The following OTOG variants were observed in gnomAD, a reference collection of about 807,000 sequenced individuals.
The protein encoded by OTOG is otogelin.
A neutral mutation model predicts 313.8 loss-of-function variants in OTOG; 296 were observed. That is an observed-to-expected ratio of 0.94 (90% CI 0.86 to 1.04). The LOEUF (loss-of-function observed/expected upper bound fraction) is 1.04, where lower values mean the gene tolerates loss of function less well. Ranked by LOEUF, OTOG falls within the 50% of genes least tolerant of loss-of-function variation. The probability of loss-of-function intolerance (pLI) is 0.00; values close to 1 mark genes in which losing one functional copy is unlikely to be tolerated. For missense variants in OTOG, 3,948 were observed against 3,840.1 expected, an observed-to-expected ratio of 1.03 and a Z score of -0.74; for synonymous variants, 1,533 against 1,554.9, an observed-to-expected ratio of 0.99 and a Z score of 0.33.
chr11:17,556,224 TAC>T (rs1055857483), intron 7 of OTOG, among the ~76,000 whole-genome samples: 1 of 152,224 alleles, frequency 6.6e-6, no homozygotes, highest in Non-Finnish European at 1.5e-5. Context: ...AAATGGATCA[TAC>T]ACAGTTTCTA....
intron 40 of OTOG, among the ~76,000 whole-genome samples, chr11:17,631,378 C>CTCTCTGTG (rs375572156): frequency 3.9e-5 from 5 of 128,812 alleles, no homozygotes; most frequent in African/African-American, 1.8e-4. Context: ...CTCTCTCTCT[C>CTCTCTGTG]TGTGTGTGTG....
chr11:17,578,783 C>T (rs1327963615), intron 23 of OTOG, among the ~76,000 whole-genome samples: 3 of 151,576 alleles, frequency 2.0e-5, no homozygotes, highest in African/African-American at 7.3e-5. Context: ...GGCCTACCAC[C>T]TTAACAGGCT....
intron 23 of OTOG, among the ~76,000 whole-genome samples, chr11:17,583,297 G>A (rs1287638749): frequency 6.6e-6 from 1 of 151,964 alleles, no homozygotes; most frequent in Non-Finnish European, 1.5e-5. Flanking sequence ...ACTATACCTG[G>A]CAAATTTTTT....
At chr11:17,561,830 C>T in intron 15 of OTOG, 23 bp downstream of exon 15, 4 of 1,549,536 alleles carry the variant, frequency 2.6e-6, no homozygotes, top group Non-Finnish European at 3.5e-6. Flanking sequence ...GATCCCCAGG[C>T]CCGATCCACC....
chr11:17,573,333 G>C lies in OTOG; in HGVS notation c.2293+43G>C, dbSNP rs771931535. ...GTGAGGCTGAGCTGGAGGAGCCAGA[G>C]CTCCAGACCTGAGTGTCCCCTGCCC... On this transcript the variant is annotated intron_variant, in intron 19 of 55. Coordinates refer to ENST00000399397, the MANE Select transcript of OTOG (RefSeq NM_001292063.2). The C allele has an allele frequency of 4.1e-6, 6 of 1,479,132 alleles. No homozygotes were observed. The African/African-American group carries it at 6.9e-5, about 17-fold the overall frequency. 91.6% of individuals were successfully genotyped at this position (1,479,132 alleles called of 1,614,324 possible).
At chr11:17,566,333 G>C (rs1054082100) in intron 15 of OTOG, among the ~76,000 whole-genome samples, 1 of 152,144 alleles carries the variant, frequency 6.6e-6, no homozygotes, top group African/African-American at 2.4e-5. Context: ...GGTAAGAAAA[G>C]TCTGTACATG....
At chr11:17,592,971 A>C (rs1367686110) in intron 25 of OTOG, among the ~76,000 whole-genome samples, 3 of 152,228 alleles carry the variant, frequency 2.0e-5, no homozygotes, top group Non-Finnish European at 4.4e-5. Flanking sequence ...ACATTCATTC[A>C]TCAGATATTT....
At chr11:17,633,153 A>G (rs1350294739) in intron 42 of OTOG, among the ~76,000 whole-genome samples, 1 of 152,260 alleles carries the variant, frequency 6.6e-6, no homozygotes, top group Non-Finnish European at 1.5e-5. Context: ...GGTTCCCCAC[A>G]ATGATACCTC....
chr11:17,595,858 C>T (rs1853084597), intron 28 of OTOG, among the ~76,000 whole-genome samples, 180 bp from the exon 29 acceptor site: 2 of 152,186 alleles, frequency 1.3e-5, no homozygotes, highest in Non-Finnish European at 2.9e-5. Flanking sequence ...TCACCTGGGC[C>T]ATATTCTGTT....
chr11:17,606,735 G>T (rs768481595), intron 33 of OTOG, among the ~76,000 whole-genome samples: 43 of 152,214 alleles, frequency 2.8e-4, no homozygotes, highest in Non-Finnish European at 5.3e-4. Context: ...CTTGCATGGG[G>T]CTTGGGGGTA....
intron 13 of OTOG, 112 bp downstream of exon 13, chr11:17,560,929 C>T (rs1332309796): frequency 8.5e-7 from 1 of 1,179,394 alleles, no homozygotes; most frequent in Non-Finnish European, 1.2e-6. Flanking sequence ...CACTCAGTAC[C>T]TTTGAGTCCC....
intron 39 of OTOG, among the ~76,000 whole-genome samples, chr11:17,623,417 A>G (rs1853911357): frequency 1.3e-5 from 2 of 152,052 alleles, no homozygotes; most frequent in Admixed American, 6.6e-5. Flanking sequence ...CTGTTTTTGC[A>G]TTAGTTTGCT....
intron 31 of OTOG, among the ~76,000 whole-genome samples, chr11:17,600,149 C>T (rs903928520): frequency 6.6e-6 from 1 of 152,372 alleles, no homozygotes. Flanking sequence ...CATCTTCAAA[C>T]TCAGCCAAGG....
rs763372967 is a variant in OTOG, at chr11:17,610,488, C to T, written c.5188C>T (p.His1730Tyr). The change falls in exon 36 of 56, where the codon CAC (histidine) becomes TAC (tyrosine). Residue 1730 changes from histidine (H) to tyrosine (Y), a missense_variant. By Grantham distance (83) the His-to-Tyr change is moderately conservative. Transcript: ENST00000399397. ...VLSTEKGEAG[H>Y]SQPMGSPASP... ...ATCCACAGAGAAGGGCGAAGCCGGG[C>T]ACAGCCAGCCCATGGGCTCGCCTGC... 1.3e-6 allele frequency: 2 copies of T among 1,550,476 alleles called. No homozygotes were observed. Among genetic ancestry groups the T allele is most frequent in the Admixed American group, 2.0e-5 (1 of 50,992 alleles).
chr11:17,574,911 CG>C lies in OTOG; in HGVS notation c.2486+1del. On this transcript the variant is annotated frameshift_variant and splice_region_variant, in exon 20 of 56. Transcript: ENST00000399397. LOFTEE classifies it high-confidence loss of function. ...CACCCAGGCTGACCTCTGTGTCCCC[CG>C]GTGAGTGGGTCAGCTTGATCTCTGA... ...LDTQADLCVPRNQCSCHFQGV... is the reference protein window; with the variant it reads ...LDTQADLCVPXNQCSCHFQGV... 6.7e-7 allele frequency: 1 copy of C among 1,500,492 alleles called. No individual in the cohort carries two copies. The highest frequency in any genetic ancestry group is 8.9e-7 in the Non-Finnish European group (1 of 1,119,512). 92.9% of individuals were successfully genotyped at this position (1,500,492 alleles called of 1,614,324 possible).
rs997173856 is a variant in OTOG, at chr11:17,612,484, G to A, written c.6293-136G>A. The A allele has an allele frequency of 5.0e-5, 69 of 1,387,610 alleles. 1 individual carries two copies. Among genetic ancestry groups the A allele is most frequent in the Admixed American group, 1.0e-4 (4 of 39,762 alleles). 86.0% of individuals were successfully genotyped at this position (1,387,610 alleles called of 1,614,324 possible). The stretch of plus-strand genomic sequence containing the variant: ...TTGTGACCTCTGATCTGTGTGATGC[G>A]TGGTCTGAGCCACCCTCCAGACCCC... On this transcript the variant is annotated intron_variant, in intron 37 of 55. Coordinates refer to ENST00000399397, the MANE Select transcript of OTOG (RefSeq NM_001292063.2).
intron 47 of OTOG, 118 bp downstream of exon 47, chr11:17,635,829 T>A: frequency 1.2e-6 from 1 of 808,578 alleles, no homozygotes; most frequent in Non-Finnish European, 2.0e-6. Flanking sequence ...TGGTGAGCTC[T>A]GGAGGGGCCG....
intron 23 of OTOG, 118 bp downstream of exon 23, chr11:17,578,644 G>A: frequency 1.5e-6 from 2 of 1,301,830 alleles, no homozygotes; most frequent in Non-Finnish European, 2.0e-6. Context: ...ACTGGCCCAG[G>A]CTGGCCAGCC....
At chr11:17,604,475 T>A (rs1366168223) in intron 32 of OTOG, among the ~76,000 whole-genome samples, 2 of 152,180 alleles carry the variant, frequency 1.3e-5, no homozygotes, top group African/African-American at 4.8e-5. Flanking sequence ...AGCCATGTGG[T>A]GGTGAAGATA....
Sources: allele counts gnomAD v4.1 joint callset (sites outside exome capture counted in the v4.1 genomes callset), GRCh38; gene constraint gnomAD v4.1.1; transcripts MANE v1.5; gene names NCBI Gene and HGNC (gene_info 2026-07-23, HGNC 2026-07-21).